The following HEATR5A variants were observed in gnomAD, a reference collection of about 807,000 sequenced individuals.
The protein encoded by HEATR5A is HEAT repeat-containing protein 5A.
In HEATR5A, 178 loss-of-function variants were observed where a neutral mutation model predicts 218.8. The ratio of observed to expected loss-of-function variants is 0.81; its 90% CI spans 0.72 to 0.92. The LOEUF is 0.92. Among genes scored for constraint, HEATR5A ranks in the 40% least tolerant of loss-of-function variants. The pLI is 0.00. For missense variants in HEATR5A, 2,420 were observed against 2,418.9 expected (o/e 1.00, Z -0.01); for synonymous variants, 864 against 871.6 (o/e 0.99, Z 0.15).
intron 26 of HEATR5A, 134 bp from the exon 27 acceptor site, chr14:31,316,083 G>C: frequency 3.2e-6 from 2 of 623,656 alleles, no homozygotes; most frequent in Non-Finnish European, 2.6e-6. Context: ...AGGAGTTTGA[G>C]ACAAGCCTGG....
At chr14:31,309,770 C>T (rs946435567) in intron 28 of HEATR5A, among the ~76,000 whole-genome samples, 7 of 151,232 alleles carry the variant, frequency 4.6e-5, no homozygotes, top group Non-Finnish European at 8.8e-5. Flanking sequence ...GGCGTGATGT[C>T]GGCTCACTGC....
At chr14:31,325,483 C>CGT (rs1566754742) in intron 23 of HEATR5A, among the ~76,000 whole-genome samples, 28 of 148,700 alleles carry the variant, frequency 1.9e-4, no homozygotes, top group African/African-American at 4.5e-4. Context: ...TATGTATGAA[C>CGT]ATATGTATGT....
chr14:31,293,361 A>C lies in HEATR5A; in HGVS notation c.6085T>G (p.Tyr2029Asp), dbSNP rs1899077443. 1 of 1,613,402 alleles carries C rather than the reference A, an allele frequency of 6.2e-7. No homozygotes were observed. The highest frequency in any genetic ancestry group is 1.3e-5 in the African/African-American group (1 of 74,876). Residue 2029 changes from tyrosine to aspartate, a missense_variant, in exon 36 of 36, where the codon TAT (tyrosine) becomes GAT (aspartate). By Grantham distance (160) the Tyr-to-Asp change is radical. Transcript: ENST00000543095. ...GAGTTTTTTCCAGGACTCTTAGTAT[A>C]TTTAGATGTTGGTATCTTGACTTTG... ...SVKVKIPTSKYTKSPGKNSSI... is the reference protein window; with the variant it reads ...SVKVKIPTSKDTKSPGKNSSI...
At chr14:31,387,035 T>C (rs972115693) in intron 8 of HEATR5A, 85 bp downstream of exon 8, 3 of 1,290,008 alleles carry the variant, frequency 2.3e-6, no homozygotes, top group Non-Finnish European at 3.3e-6. Context: ...TCTGTATTAA[T>C]ATAGTATTAT....
chr14:31,307,141 C>T (rs576804212), intron 30 of HEATR5A, among the ~76,000 whole-genome samples: 1 of 152,282 alleles, frequency 6.6e-6, no homozygotes, highest in East Asian at 1.9e-4. Context: ...GCCTGGCCAA[C>T]ATGGTGAAAC....
At chr14:31,297,396 G>GGAGT (rs1899222854) in intron 33 of HEATR5A, 1 of 152,116 alleles carries the variant, frequency 6.6e-6, no homozygotes, top group South Asian at 2.1e-4. Flanking sequence ...GTTGAGTCCA[G>GGAGT]GAGTTCAAGG....
chr14:31,327,992 C>T (rs1021281688), intron 22 of HEATR5A, among the ~76,000 whole-genome samples: 3 of 152,108 alleles, frequency 2.0e-5, no homozygotes, highest in Non-Finnish European at 2.9e-5. Flanking sequence ...CTCGCTCTGT[C>T]GCCCAGGTTG....
At chr14:31,296,570 T>C (rs1240853347) in intron 33 of HEATR5A, 1 of 152,520 alleles carries the variant, frequency 6.6e-6, no homozygotes, top group Non-Finnish European at 1.5e-5. Flanking sequence ...ATTTTTATAA[T>C]ACATGTATCA....
chr14:31,354,075 A>C (rs1901333338), intron 16 of HEATR5A, among the ~76,000 whole-genome samples: 3 of 151,922 alleles, frequency 2.0e-5, no homozygotes, highest in Admixed American at 6.6e-5. Context: ...CTGGGATTAC[A>C]GGAGTGAGCC....
chr14:31,316,416 A>T (rs756297182), intron 26 of HEATR5A, among the ~76,000 whole-genome samples: 17 of 152,214 alleles, frequency 1.1e-4, no homozygotes, highest in Non-Finnish European at 1.8e-4. Flanking sequence ...GCTTTCGAGA[A>T]ATCCTATGGA....
At chr14:31,328,962 C>T (rs186449997) in intron 22 of HEATR5A, among the ~76,000 whole-genome samples, 1 of 151,542 alleles carries the variant, frequency 6.6e-6, no homozygotes, top group East Asian at 1.9e-4. Flanking sequence ...AACATACAAT[C>T]ATGGTGGAAG....
At chr14:31,323,244 T>C (rs1222354897) in intron 24 of HEATR5A, among the ~76,000 whole-genome samples, 3 of 152,186 alleles carry the variant, frequency 2.0e-5, no homozygotes, top group Non-Finnish European at 4.4e-5. Context: ...CACTGCAAGC[T>C]CAAACTCCTG....
At chr14:31,294,346 C>T (rs1164988380) in intron 34 of HEATR5A, among the ~76,000 whole-genome samples, 1 of 151,750 alleles carries the variant, frequency 6.6e-6, no homozygotes, top group East Asian at 1.9e-4. Context: ...AATTTTTCTT[C>T]TTTTCTCTAA....
At chr14:31,342,843 A>T (rs1027940635) in intron 21 of HEATR5A, among the ~76,000 whole-genome samples, 2 of 152,006 alleles carry the variant, frequency 1.3e-5, no homozygotes, top group Non-Finnish European at 2.9e-5. Context: ...AAAAGTAGGG[A>T]TAATCTACAC....
At chr14:31,359,130 T>C in intron 14 of HEATR5A, 73 bp from the exon 15 acceptor site, 4 of 1,456,816 alleles carry the variant, frequency 2.7e-6, no homozygotes, top group Non-Finnish European at 3.7e-6. Context: ...AAAACTCAGG[T>C]TGAGCTTTAA....
chr14:31,349,333 G>A (rs1047520068), intron 18 of HEATR5A, among the ~76,000 whole-genome samples: 1 of 152,010 alleles, frequency 6.6e-6, no homozygotes, highest in Non-Finnish European at 1.5e-5. Flanking sequence ...GCAGTAAGCC[G>A]AGATCGCGCC....
At position 31,313,208 on chromosome 14, in the gene HEATR5A, A is replaced by G; in HGVS notation, c.4219-18T>C. 6.4e-7 allele frequency: 1 copy of G among 1,558,902 alleles called. No individual in the cohort carries two copies. Among genetic ancestry groups the G allele is most frequent in the Non-Finnish European group, 8.8e-7 (1 of 1,136,444 alleles). ...ATGTAGACCTGTTAAAGGTTAATTT[A>G]AAAACAGGAAAATCTTTTATCTGCT... On this transcript the variant is annotated intron_variant, in intron 27 of 35. Coordinates refer to ENST00000543095, the MANE Select transcript of HEATR5A (RefSeq NM_015473.4).
In HEATR5A at chr14:31,307,921, C is replaced by A. The variant is rs777972145; in HGVS notation, c.4790G>T (p.Trp1597Leu). The A allele has an allele frequency of 6.2e-7, 1 of 1,613,572 alleles. No homozygotes were observed. Among genetic ancestry groups the A allele is most frequent in the East Asian group, 2.2e-5 (1 of 44,846 alleles). The change falls in exon 30 of 36, where the codon TGG (tryptophan) becomes TTG (leucine). Residue 1597 changes from tryptophan to leucine, a missense_variant. Physicochemically the swap from Trp to Leu is moderately conservative, Grantham distance 61. Transcript: ENST00000543095. ...HALQALLDVP[W>L]PRSKIGSDQD... ...ATCACTGCCAATTTTTGATCTGGGC[C>A]AAGGTACATCTAGAAGTGCTTGCAA... is the stretch of plus-strand genomic sequence containing the variant.
intron 1 of HEATR5A, among the ~76,000 whole-genome samples, chr14:31,416,345 C>T (rs1381844573): frequency 6.6e-6 from 1 of 152,126 alleles, no homozygotes; most frequent in Non-Finnish European, 1.5e-5. Flanking sequence ...TGATCTCAAA[C>T]CCCTGACCTC....
Sources: gnomAD v4.1 joint callset for allele counts (sites outside exome capture counted in the v4.1 genomes callset) on GRCh38, gnomAD v4.1.1 for gene constraint, MANE v1.5 for transcripts, NCBI Gene and HGNC (gene_info 2026-07-23, HGNC 2026-07-21) for gene names.